Variants in MBNL2 observed in about 807,000 individuals in gnomAD.
MBNL2 encodes muscleblind like splicing regulator 2.
In MBNL2, 17 loss-of-function variants were observed where a neutral mutation model predicts 41.9. The ratio of observed to expected loss-of-function variants is 0.41; its 90% CI spans 0.28 to 0.61. MBNL2 has a LOEUF of 0.61. MBNL2 is among the 20% of genes least tolerant of loss of function. The probability of loss-of-function intolerance (pLI) is 0.35; values close to 1 mark genes in which losing one functional copy is unlikely to be tolerated. For missense variants in MBNL2, 336 were observed against 505.6 expected (o/e 0.66, Z 3.22); for synonymous variants, 195 against 182.9 (o/e 1.07, Z -0.53).
At chr13:97,336,244 A>T (rs2060871975) in intron 3 of MBNL2, among the ~76,000 whole-genome samples, 1 of 152,240 alleles carries the variant, frequency 6.6e-6, no homozygotes, top group South Asian at 2.1e-4. Context: ...AGGTTTTTAA[A>T]TCACTGGAAG....
chr13:97,166,834 AGAT>A, the MBNL2 span, among the ~76,000 whole-genome samples: 203 of 146,102 alleles, frequency 1.4e-3, no homozygotes, highest in African/African-American at 3.3e-3. Context: ...ATAGATAGAT[AGAT>A]AGAAAGATAG....
intron 2 of MBNL2, among the ~76,000 whole-genome samples, chr13:97,321,898 T>C (rs9516909): frequency 0.12 from 18,898 of 152,158 alleles, 1,268 homozygotes; most frequent in East Asian, 0.18. Flanking sequence ...TGTGCCTCTG[T>C]TTCATCCCAT....
intron 2 of MBNL2, among the ~76,000 whole-genome samples, chr13:97,292,852 C>A (rs561420996): frequency 3.9e-5 from 6 of 151,982 alleles, no homozygotes; most frequent in Non-Finnish European, 8.8e-5. Context: ...CCAAGATTTT[C>A]AATTTTATCA....
chr13:97,295,662 A>G (rs1199117889), intron 2 of MBNL2, among the ~76,000 whole-genome samples: 1 of 152,200 alleles, frequency 6.6e-6, no homozygotes, highest in African/African-American at 2.4e-5. Context: ...TGATCACAAT[A>G]GAAATAGATG....
chr13:97,199,146 CT>C, the MBNL2 span, among the ~76,000 whole-genome samples: 7 of 152,168 alleles, frequency 4.6e-5, no homozygotes, highest in African/African-American at 1.4e-4. Context: ...CCTGCTGTTT[CT>C]GGCCTTTGCA....
chr13:97,387,630 C>T (rs1450742888), intron 8 of MBNL2, among the ~76,000 whole-genome samples: 3 of 152,188 alleles, frequency 2.0e-5, no homozygotes, highest in African/African-American at 2.4e-5. Context: ...TATCTCAGAC[C>T]GTCCCCATGC....
chr13:97,346,265 ATGG>A lies in MBNL2; in HGVS notation c.541-538_541-536del, dbSNP rs2153086922. 6.6e-6 allele frequency among the ~76,000 whole-genome samples: 1 copy of A among 152,200 alleles called. No individual in the cohort carries two copies. The highest frequency in any genetic ancestry group is 1.5e-5 in the Non-Finnish European group (1 of 67,990). On this transcript the variant is annotated intron_variant, in intron 4 of 8. Coordinates refer to ENST00000679496, the MANE Select transcript of MBNL2 (RefSeq NM_001382683.1). This position sits in a 1 kb window ranked among gnomAD's most constrained non-coding sequence, Gnocchi z 4.2. ...AATAGATGGATGGATGGATGGATGG[ATGG>A]ATGGATAGATGGATGGGTGGATGGA...
chr13:97,144,174 G>C, the MBNL2 span, among the ~76,000 whole-genome samples: 2 of 151,698 alleles, frequency 1.3e-5, no homozygotes, highest in South Asian at 2.1e-4. Flanking sequence ...GTGGTGCCAC[G>C]TGGAGTGGGA....
At chr13:97,305,123 T>C (rs1366289852) in intron 2 of MBNL2, among the ~76,000 whole-genome samples, 2 of 152,238 alleles carry the variant, frequency 1.3e-5, no homozygotes, top group African/African-American at 2.4e-5. Context: ...TTCACAGATA[T>C]TGTAAAAAGG....
chr13:97,292,546 A>T (rs1223098076), intron 2 of MBNL2, among the ~76,000 whole-genome samples: 1 of 152,196 alleles, frequency 6.6e-6, no homozygotes, highest in African/African-American at 2.4e-5. Flanking sequence ...AGAAAGTTCT[A>T]TTTGATCATT....
chr13:97,154,934 G>A, the MBNL2 span, among the ~76,000 whole-genome samples: 1 of 152,044 alleles, frequency 6.6e-6, no homozygotes, highest in South Asian at 2.1e-4. Context: ...ATAGTATTGA[G>A]GAGGCGATGC....
chr13:97,375,922 AGAG>A lies in MBNL2; in HGVS notation c.1048+10757_1048+10759del, dbSNP rs1364603205. Among the ~76,000 whole-genome samples, 3 of 152,216 alleles carry A rather than the reference AGAG, an allele frequency of 2.0e-5. No homozygotes were observed. In the East Asian group the frequency reaches 5.8e-4, roughly 30 times the overall value. On this transcript the variant is annotated intron_variant, in intron 8 of 8. Coordinates refer to ENST00000679496, the MANE Select transcript of MBNL2 (RefSeq NM_001382683.1). ...GAGTGGGAGACACCAGGGAGCGTGA[AGAG>A]GAGGATATGGTGGGGCAGTCCTAGA... is the stretch of plus-strand genomic sequence containing the variant.
At chr13:97,361,471 C>T (rs2063386210) in intron 7 of MBNL2, among the ~76,000 whole-genome samples, 1 of 152,156 alleles carries the variant, frequency 6.6e-6, no homozygotes. Context: ...GGACCAGAAT[C>T]TGGCATTAAG....
the MBNL2 span, among the ~76,000 whole-genome samples, chr13:97,202,933 C>T: frequency 1.3e-5 from 2 of 152,202 alleles, no homozygotes; most frequent in East Asian, 1.9e-4. Flanking sequence ...TTGTTTATTG[C>T]GAAAGGAATT....
intron 1 of MBNL2, among the ~76,000 whole-genome samples, chr13:97,260,926 C>CT (rs1379700363): frequency 6.6e-6 from 1 of 152,070 alleles, no homozygotes; most frequent in Non-Finnish European, 1.5e-5. Flanking sequence ...TTTTCTTTCC[C>CT]TTTAAAAACA....
At chr13:97,144,193 CG>C in the MBNL2 span, among the ~76,000 whole-genome samples, 1 of 151,820 alleles carries the variant, frequency 6.6e-6, no homozygotes, top group South Asian at 2.1e-4. Context: ...GAAAAGGGAG[CG>C]GCTGCTCTGT....
intron 2 of MBNL2, among the ~76,000 whole-genome samples, chr13:97,319,200 T>C (rs2059298431): frequency 7.2e-5 from 11 of 151,792 alleles, no homozygotes; most frequent in Admixed American, 4.6e-4. Flanking sequence ...CGGGACCCTG[T>C]AGCATAAGAC....
At chr13:97,367,637 T>C (rs935869012) in intron 8 of MBNL2, among the ~76,000 whole-genome samples, 2 of 151,736 alleles carry the variant, frequency 1.3e-5, no homozygotes, top group Admixed American at 6.6e-5. Context: ...AAGAGAGGCG[T>C]GAGTGGACAG....
intron 2 of MBNL2, among the ~76,000 whole-genome samples, chr13:97,283,597 TCA>T (rs2053847921): frequency 6.6e-6 from 1 of 152,190 alleles, no homozygotes; most frequent in Admixed American, 6.5e-5. Context: ...GTATCCATAC[TCA>T]CAGACTATTT....
Sources: allele counts gnomAD v4.1 joint callset (sites outside exome capture counted in the v4.1 genomes callset), GRCh38; gene constraint gnomAD v4.1.1; non-coding constraint Gnocchi (gnomAD v3.1); transcripts MANE v1.5; gene names NCBI Gene and HGNC (gene_info 2026-07-23, HGNC 2026-07-21).